The following PHC1 variants were observed in gnomAD, a reference collection of about 807,000 sequenced individuals.
PHC1 encodes the protein polyhomeotic-like protein 1.
A neutral mutation model predicts 104.3 loss-of-function variants in PHC1; 12 were observed. The observed-to-expected ratio is 0.12, with a 90% confidence interval of 0.07 to 0.19. PHC1 has a LOEUF of 0.19. PHC1 is among the 10% of genes least tolerant of loss of function. The probability of loss-of-function intolerance (pLI) is 1.00; values close to 1 mark genes in which losing one functional copy is unlikely to be tolerated. For synonymous variants in PHC1, 302 were observed against 455.8 expected (o/e 0.66, Z 4.30); for missense variants, 671 against 1,200.0 (o/e 0.56, Z 6.51).
chr12:8,927,503 G>A (rs1257996450), intron 6 of PHC1, among the ~76,000 whole-genome samples: 1 of 152,162 alleles, frequency 6.6e-6, no homozygotes, highest in Non-Finnish European at 1.5e-5. Context: ...TTGATAGGAA[G>A]AGGAGAGAAG....
At chr12:8,939,189 T>C in intron 14 of PHC1, 116 bp from the exon 15 acceptor site, 3 of 1,274,112 alleles carry the variant, frequency 2.4e-6, no homozygotes, top group Non-Finnish European at 3.3e-6. Flanking sequence ...TCTGACTTCA[T>C]ATTACTGAAT....
At position 8,922,746 on chromosome 12, in the gene PHC1, G is replaced by A. The variant is rs1183310582; in HGVS notation, c.570G>A (p.Val190=). Residue 190 remains valine (V), a synonymous_variant, in exon 6 of 15, where the codon GTG becomes GTA. Coordinates refer to ENST00000544916, the MANE Select transcript of PHC1 (RefSeq NM_004426.3). Reference sequence around the variant, plus strand: ...CGGTGGCTGCAGTCCAGCAGGAGGTGCCATCTGCTCAGTCTCCTGGAGTTC... The same window carrying A: ...CGGTGGCTGCAGTCCAGCAGGAGGTACCATCTGCTCAGTCTCCTGGAGTTC... ...NGAVAAVQQE[V]PSAQSPGVHA... The A allele has an allele frequency of 1.2e-5, 20 of 1,612,602 alleles. No homozygotes were observed. The highest frequency in any genetic ancestry group is 1.4e-5 in the Non-Finnish European group (16 of 1,179,428).
intron 9 of PHC1, 61 bp from the exon 10 acceptor site, chr12:8,934,206 A>G: frequency 7.1e-7 from 1 of 1,401,570 alleles, no homozygotes; most frequent in South Asian, 1.2e-5. Context: ...TGCTGGCTCA[A>G]CTAATAGATG....
Position 8,917,643 on chromosome 12 carries a change from C to A in PHC1, c.-35C>A. 2 of 1,089,030 alleles carry A rather than the reference C, an allele frequency of 1.8e-6. No homozygotes were observed. Among genetic ancestry groups the A allele is most frequent in the Admixed American group, 3.0e-5 (1 of 33,512 alleles). The allele number at this position is 1,089,030 out of a possible 1,614,324, so 67.5% of individuals were successfully genotyped here. On this transcript the variant is annotated 5_prime_UTR_variant, in exon 2 of 15. Coordinates refer to ENST00000544916, the MANE Select transcript of PHC1 (RefSeq NM_004426.3). ...GCTTCCCTCTAGGTCTTGAGTCAGACAGAGCACCAGCCTTGGGGACCCTGG... is the reference window on the plus strand; with the variant it reads ...GCTTCCCTCTAGGTCTTGAGTCAGAAAGAGCACCAGCCTTGGGGACCCTGG...
In PHC1 at chr12:8,930,908, C is replaced by T. The variant is rs746071015; in HGVS notation, c.1086C>T (p.Ser362=). The change falls in exon 7 of 15, where the codon AGC becomes AGT. Residue 362 remains serine, a synonymous_variant. Transcript: ENST00000544916. The part of the protein sequence containing the change: ...NLTRTATPAP[S]QTLISSATYT... The stretch of plus-strand genomic sequence containing the variant: ...CACGGACAGCCACACCTGCGCCCAG[C>T]CAGACACTTATTAGCTCAGGTAAAT... 3 of 1,604,644 alleles carry T rather than the reference C, an allele frequency of 1.9e-6. No homozygotes were observed. Among genetic ancestry groups the T allele is most frequent in the East Asian group, 2.2e-5 (1 of 44,748 alleles).
intron 6 of PHC1, among the ~76,000 whole-genome samples, chr12:8,929,193 G>A (rs1945612386): frequency 6.6e-6 from 1 of 152,150 alleles, no homozygotes; most frequent in Non-Finnish European, 1.5e-5. Flanking sequence ...AGCTTTATTG[G>A]CTTCCTATAA....
In PHC1 at chr12:8,921,023, C is replaced by T. The variant is rs768460522; in HGVS notation, c.264C>T (p.Asn88=). Residue 88 remains asparagine (N), a synonymous_variant, in exon 4 of 15, where the codon AAC becomes AAT. Coordinates refer to ENST00000544916, the MANE Select transcript of PHC1 (RefSeq NM_004426.3). ...CCAGTCGGCAGGCCAGCTCCCCAAA[C>T]ACCAGCACTACACAGCAGCAGACTA... ...IAASRQASSP[N]TSTTQQQTTT... 4.3e-6 allele frequency: 7 copies of T among 1,613,748 alleles called. No individual in the cohort carries two copies. The East Asian group carries it at 1.6e-4, about 36-fold the overall frequency.
At chr12:8,918,473 T>C (rs1008425481) in intron 2 of PHC1, among the ~76,000 whole-genome samples, 1 of 152,186 alleles carries the variant, frequency 6.6e-6, no homozygotes, top group Non-Finnish European at 1.5e-5. Context: ...AAATATACTT[T>C]TACATTTTCT....
chr12:8,930,468 T>G lies in PHC1; in HGVS notation c.646T>G (p.Ser216Ala), dbSNP rs760864578. The change falls in exon 7 of 15, where the codon TCA (serine) becomes GCA (alanine). Residue 216 changes from serine (S) to alanine (A), a missense_variant. Coordinates refer to ENST00000544916, the MANE Select transcript of PHC1 (RefSeq NM_004426.3). ...QNLAVRNQQA[S>A]AQGPQMQGST... ...CTTGGCAGTAAGGAATCAACAGGCC[T>G]CAGCTCAAGGACCTCAGATGCAAGG... The G allele has an allele frequency of 2.5e-6, 4 of 1,600,868 alleles. No homozygotes were observed. Among genetic ancestry groups the G allele is most frequent in the Non-Finnish European group, 3.4e-6 (4 of 1,173,528 alleles).
At chr12:8,918,357 AG>A (rs1410535447) in intron 2 of PHC1, among the ~76,000 whole-genome samples, 7 of 152,256 alleles carry the variant, frequency 4.6e-5, no homozygotes, top group Non-Finnish European at 8.8e-5. Context: ...AATGCCAATT[AG>A]TTGAATTCGT....
intron 6 of PHC1, among the ~76,000 whole-genome samples, chr12:8,926,708 G>A (rs990862378): frequency 3.3e-4 from 50 of 152,084 alleles, no homozygotes; most frequent in Non-Finnish European, 6.0e-4. Flanking sequence ...TCAGGAGTTC[G>A]AGACCATCCA....
rs1945236935 is a variant in PHC1, at chr12:8,917,545, G to C, written c.-48-85G>C. On this transcript the variant is annotated intron_variant, in intron 1 of 14. Transcript: ENST00000544916. ...AGGAGGAAGATTCTTAGATACTTAT[G>C]GATTTCCTGTGTTTTTGAATAATAA... 8.1e-6 allele frequency: 4 copies of C among 493,368 alleles called. No individual in the cohort carries two copies. The Admixed American group carries it at 1.7e-4, about 22-fold the overall frequency. 30.6% of individuals were successfully genotyped at this position (493,368 alleles called of 1,614,324 possible). A position where few individuals can be genotyped will look rare whatever the true frequency, so the allele number is the denominator to read the frequency against.
chr12:8,935,799 T>C (rs1008599726), intron 11 of PHC1, among the ~76,000 whole-genome samples: 1 of 152,038 alleles, frequency 6.6e-6, no homozygotes, highest in African/African-American at 2.4e-5. Context: ...TCGCTCTTGT[T>C]GCCCAGGCTG....
intron 2 of PHC1, among the ~76,000 whole-genome samples, chr12:8,918,326 A>G (rs2137055896): frequency 6.6e-6 from 1 of 152,356 alleles, no homozygotes; most frequent in Non-Finnish European, 1.5e-5. Flanking sequence ...ATAAATCTGT[A>G]TTAGCATACT....
intron 14 of PHC1, 37 bp downstream of exon 14, chr12:8,938,097 T>G (rs767730903): frequency 7.0e-7 from 1 of 1,430,728 alleles, no homozygotes; most frequent in Admixed American, 1.8e-5. Context: ...CAGGTTGTTT[T>G]CCTTAACATC....
In PHC1 at chr12:8,930,880, T is replaced by G; in HGVS notation, c.1058T>G (p.Leu353Arg). The change falls in exon 7 of 15, where the codon CTG becomes CGG. Residue 353 changes from leucine (L) to arginine (R), a missense_variant. By Grantham distance (102) the Leu-to-Arg change is moderately radical (BLOSUM62 -2). This residue lies in a region of PHC1 where 78 missense variants were observed against 140.8 expected (regional missense o/e 0.55). Coordinates refer to ENST00000544916, the MANE Select transcript of PHC1 (RefSeq NM_004426.3). ...GSGQQNVGMNLTRTATPAPSQ... is the reference protein window; with the variant it reads ...GSGQQNVGMNRTRTATPAPSQ... ...GGCCAGCAGAATGTGGGCATGAACC[T>G]GACACGGACAGCCACACCTGCGCCC... is the stretch of plus-strand genomic sequence containing the variant. 1 of 1,577,398 alleles carries G rather than the reference T, an allele frequency of 6.3e-7. No individual in the cohort carries two copies. The highest frequency in any genetic ancestry group is 8.6e-7 in the Non-Finnish European group (1 of 1,163,170).
intron 6 of PHC1, among the ~76,000 whole-genome samples, chr12:8,927,398 GAGA>G (rs920868174): frequency 3.3e-5 from 5 of 152,152 alleles, no homozygotes; most frequent in African/African-American, 7.2e-5. Flanking sequence ...GGAGCCAGTG[GAGA>G]AGAAGTGGAA....
intron 2 of PHC1, 105 bp downstream of exon 2, chr12:8,917,896 A>T: frequency 1.5e-6 from 1 of 652,698 alleles, no homozygotes. Flanking sequence ...AACTGGGGAG[A>T]GTTGGGTTAG....
rs150261003 is a variant in PHC1, at chr12:8,919,519, G to C, written c.115-237G>C. Among the ~76,000 whole-genome samples, 7 of 152,322 alleles carry C rather than the reference G, an allele frequency of 4.6e-5. No individual in the cohort carries two copies. The highest frequency in any genetic ancestry group is 2.0e-4 in the Admixed American group (3 of 15,302). ...CAGTCAGGAGGATTATTTGAGCCTA[G>C]GAGTTTGAGGTTACAGTAAACTATG... is the stretch of plus-strand genomic sequence containing the variant. On this transcript the variant is annotated intron_variant, in intron 2 of 14. Coordinates refer to ENST00000544916, the MANE Select transcript of PHC1 (RefSeq NM_004426.3). The surrounding 1 kb of genome is among the most constrained non-coding windows in gnomAD (Gnocchi z 4.9).
Sources: gnomAD v4.1 joint callset for allele counts (sites outside exome capture counted in the v4.1 genomes callset) on GRCh38, gnomAD v4.1.1 for gene constraint, gnomAD v4.1.1 regional missense constraint, Gnocchi (gnomAD v3.1) non-coding constraint, MANE v1.5 for transcripts, NCBI Gene and HGNC (gene_info 2026-07-23, HGNC 2026-07-21) for gene names.